NSRP1: variants seen among roughly 807,000 people sequenced by gnomAD.
NSRP1 encodes nuclear speckle splicing regulatory protein 1, also known as coiled-coil domain containing 55.
In NSRP1, 24 loss-of-function variants were observed where a neutral mutation model predicts 54.7. The observed-to-expected ratio is 0.44, with a 90% CI of 0.32 to 0.62. The LOEUF is 0.62. Among genes scored for constraint, NSRP1 ranks in the 20% least tolerant of loss-of-function variants. The pLI, the probability that NSRP1 is intolerant of heterozygous loss-of-function variation, is 0.06. For synonymous variants in NSRP1, 210 were observed against 213.8 expected, an observed-to-expected ratio of 0.98 and a Z score of 0.15; for missense variants, 596 against 651.2, an observed-to-expected ratio of 0.92 and a Z score of 0.92.
chr17:30,142,467 A>G (rs2071814337), intron 2 of NSRP1, among the ~76,000 whole-genome samples: 1 of 151,524 alleles, frequency 6.6e-6, no homozygotes. Context: ...TTGGGAATAT[A>G]GGCATGTGCC....
intron 3 of NSRP1, among the ~76,000 whole-genome samples, chr17:30,175,374 A>G (rs1158935749): frequency 6.6e-6 from 1 of 151,758 alleles, no homozygotes; most frequent in Non-Finnish European, 1.5e-5. Context: ...TCCTAATGTG[A>G]TTACTTTGGT....
At chr17:30,121,848 G>A (rs529577342) in intron 2 of NSRP1, among the ~76,000 whole-genome samples, 2 of 152,116 alleles carry the variant, frequency 1.3e-5, no homozygotes, top group Non-Finnish European at 2.9e-5. Context: ...GATTACAGGC[G>A]TGAGCCGCCG....
chr17:30,168,593 G>GTAA lies in NSRP1; in HGVS notation c.115-3933_115-3931dup, dbSNP rs1022429926. Among the ~76,000 whole-genome samples, 1,142 of 135,368 alleles carry GTAA rather than the reference G, an allele frequency of 8.4e-3. 10 individuals are homozygous for GTAA. Among genetic ancestry groups the GTAA allele is most frequent in the African/African-American group, 0.029 (1,077 of 37,740 alleles). The allele number at this position is 135,368 out of a possible 152,430, so 88.8% of individuals were successfully genotyped here. ...TTAAAGTATAATAATAATAATAATA[G>GTAA]TAATAATAATAATAATAAATAAAAT... On this transcript the variant is annotated intron_variant, in intron 2 of 6. Transcript: ENST00000247026.
Sources: gnomAD v4.1 joint callset for allele counts (sites outside exome capture counted in the v4.1 genomes callset) on GRCh38, gnomAD v4.1.1 for gene constraint, MANE v1.5 for transcripts, NCBI Gene and HGNC (gene_info 2026-07-23, HGNC 2026-07-21) for gene names.